The following STAU1 variants were observed in gnomAD, a reference collection of about 807,000 sequenced individuals.
The protein encoded by STAU1 is double-stranded RNA-binding protein Staufen homolog 1.
STAU1 carries 13 observed loss-of-function variants against 62.9 expected under a neutral mutation model. The observed-to-expected ratio is 0.21, with a 90% CI of 0.13 to 0.33. The LOEUF (loss-of-function observed/expected upper bound fraction) is 0.33. Ranked by LOEUF, STAU1 falls within the 10% of genes least tolerant of loss-of-function variation. The pLI is 1.00. For synonymous variants in STAU1, 269 were observed against 265.1 expected (o/e 1.01, Z -0.14); for missense variants, 571 against 712.1 (o/e 0.80, Z 2.25).
chr20:49,162,852 G>C (rs893020815), intron 3 of STAU1, among the ~76,000 whole-genome samples: 1 of 151,840 alleles, frequency 6.6e-6, no homozygotes, highest in African/African-American at 2.4e-5. Context: ...ACAGGCACAA[G>C]GAAGGGGATG....
chr20:49,210,652 A>G, the STAU1 span, among the ~76,000 whole-genome samples: 1 of 152,194 alleles, frequency 6.6e-6, no homozygotes, highest in Non-Finnish European at 1.5e-5. Flanking sequence ...ATTACTGTTA[A>G]CAGGGAGAGC....
the STAU1 span, among the ~76,000 whole-genome samples, chr20:49,213,508 G>A: frequency 6.6e-6 from 1 of 152,140 alleles, no homozygotes; most frequent in Admixed American, 6.6e-5. Flanking sequence ...GATTACAGGC[G>A]TGAGCCACCG....
chr20:49,201,447 A>G, the STAU1 span, among the ~76,000 whole-genome samples: 1 of 152,260 alleles, frequency 6.6e-6, no homozygotes, highest in Non-Finnish European at 1.5e-5. Context: ...TCTCACAAAA[A>G]TGGGGAATAT....
chr20:49,196,207 C>T, the STAU1 span, among the ~76,000 whole-genome samples: 4 of 151,094 alleles, frequency 2.6e-5, no homozygotes, highest in Admixed American at 2.0e-4. Context: ...GAGGCCGAGG[C>T]GGGCGGATCA....
At chr20:49,128,372 T>C (rs1222629566) in intron 6 of STAU1, among the ~76,000 whole-genome samples, 1 of 152,132 alleles carries the variant, frequency 6.6e-6, no homozygotes, top group Non-Finnish European at 1.5e-5. Context: ...ACATATTTCC[T>C]AGCTCTATCT....
At chr20:49,144,952 C>T (rs151228334) in intron 5 of STAU1, among the ~76,000 whole-genome samples, 82 of 152,224 alleles carry the variant, frequency 5.4e-4, no homozygotes, top group African/African-American at 1.9e-3. Flanking sequence ...TCCCTAAGAT[C>T]CCATCATGTA....
At chr20:49,158,823 G>T (rs911712999) in intron 3 of STAU1, 5 of 681,594 alleles carry the variant, frequency 7.3e-6, no homozygotes, top group Non-Finnish European at 1.1e-5. Flanking sequence ...AAAAAAGCCG[G>T]GCGCGGTGGC....
chr20:49,209,601 G>A, the STAU1 span, among the ~76,000 whole-genome samples: 11 of 152,048 alleles, frequency 7.2e-5, no homozygotes, highest in Non-Finnish European at 8.8e-5. Flanking sequence ...AAATTTAGCC[G>A]GGCAGGGTGT....
At chr20:49,216,157 A>G in the STAU1 span, among the ~76,000 whole-genome samples, 1 of 151,826 alleles carries the variant, frequency 6.6e-6, no homozygotes, top group African/African-American at 2.4e-5. Context: ...CAAGAGGCTG[A>G]GGCTGGAGGA....
intron 2 of STAU1, among the ~76,000 whole-genome samples, chr20:49,167,895 A>G (rs935569113): frequency 6.6e-6 from 1 of 152,110 alleles, no homozygotes; most frequent in African/African-American, 2.4e-5. Flanking sequence ...ATGAGCTAGG[A>G]GTAAAGTATC....
At chr20:49,215,650 A>C in the STAU1 span, among the ~76,000 whole-genome samples, 1 of 152,194 alleles carries the variant, frequency 6.6e-6, no homozygotes, top group Non-Finnish European at 1.5e-5. Context: ...ATAGTAGAAT[A>C]TTGCTCAACA....
At chr20:49,131,428 T>C (rs888802169) in intron 6 of STAU1, among the ~76,000 whole-genome samples, 2 of 152,214 alleles carry the variant, frequency 1.3e-5, no homozygotes, top group African/African-American at 4.8e-5. Context: ...TTTAAGAGAA[T>C]GTCCTTGCTC....
upstream of STAU1, among the ~76,000 whole-genome samples, chr20:49,190,930 G>C (rs1173067880): frequency 7.4e-6 from 1 of 135,074 alleles, no homozygotes; most frequent in East Asian, 2.1e-4. Context: ...TTTTGAGACA[G>C]AATCTCACTC....
the STAU1 span, among the ~76,000 whole-genome samples, chr20:49,216,301 A>G: frequency 1.4e-4 from 22 of 152,056 alleles, no homozygotes; most frequent in Non-Finnish European, 2.8e-4. Flanking sequence ...CAAGGCAGGC[A>G]GATCCCTTGA....
chr20:49,120,310 C>T (rs2092436686), intron 8 of STAU1, among the ~76,000 whole-genome samples, 182 bp from the exon 9 acceptor site: 1 of 152,186 alleles, frequency 6.6e-6, no homozygotes, highest in African/African-American at 2.4e-5. Context: ...GGGAAGCTGG[C>T]TGTTAAACAC....
intron 5 of STAU1, among the ~76,000 whole-genome samples, chr20:49,140,958 GT>G (rs1280808997): frequency 7.1e-6 from 1 of 141,620 alleles, no homozygotes; most frequent in Non-Finnish European, 1.5e-5. Flanking sequence ...AGCATCCAGA[GT>G]TTTTTTTAAT....
chr20:49,160,840 CTG>C (rs2093436548), intron 3 of STAU1, among the ~76,000 whole-genome samples: 1 of 152,154 alleles, frequency 6.6e-6, no homozygotes, highest in African/African-American at 2.4e-5. Context: ...AGTGAAAAAA[CTG>C]TTTTCCCATC....
At chr20:49,207,001 G>A in the STAU1 span, among the ~76,000 whole-genome samples, 2,197 of 151,620 alleles carry the variant, frequency 0.014, 31 homozygotes, top group South Asian at 0.064. Context: ...TGATCCACCC[G>A]CCTTGGCCTC....
upstream of STAU1, among the ~76,000 whole-genome samples, chr20:49,188,544 G>A (rs1455051542): frequency 1.3e-5 from 2 of 152,202 alleles, no homozygotes; most frequent in Admixed American, 6.5e-5. Context: ...CTGGACCGCA[G>A]CGGCCCGTCC....
Sources: allele counts gnomAD v4.1 joint callset (sites outside exome capture counted in the v4.1 genomes callset), GRCh38; gene constraint gnomAD v4.1.1; transcripts MANE v1.5; gene names NCBI Gene and HGNC (gene_info 2026-07-23, HGNC 2026-07-21).